Variants in FHIT observed in about 807,000 individuals in gnomAD.
FHIT encodes the protein bis(5'-adenosyl)-triphosphatase.
Under a neutral mutation model 17.9 loss-of-function variants are expected in FHIT, and 19 were observed. The ratio of observed to expected loss-of-function variants is 1.06; its 90% confidence interval spans 0.74 to 1.56. The LOEUF is 1.56. Ranked by LOEUF, FHIT falls within the 40% of genes most tolerant of loss-of-function variation. The pLI is 0.00. For missense variants in FHIT, 248 were observed against 189.2 expected, an observed-to-expected ratio of 1.31 and a Z score of -1.82; for synonymous variants, 81 against 69.7, an observed-to-expected ratio of 1.16 and a Z score of -0.81.
intron 8 of FHIT, among the ~76,000 whole-genome samples, chr3:59,912,874 C>A (rs980185239): frequency 2.0e-5 from 3 of 152,062 alleles, no homozygotes; most frequent in Non-Finnish European, 4.4e-5. Flanking sequence ...GCAATTTTCT[C>A]TTAAATATTT....
At chr3:59,762,016 G>A (rs572531695) in intron 8 of FHIT, among the ~76,000 whole-genome samples, 71 of 152,040 alleles carry the variant, frequency 4.7e-4, no homozygotes, top group Non-Finnish European at 7.5e-4. Flanking sequence ...CTACTCTTAT[G>A]CTTTGGGGCT....
chr3:61,243,058 C>T (rs1488928581), intron 1 of FHIT, among the ~76,000 whole-genome samples: 1 of 152,132 alleles, frequency 6.6e-6, no homozygotes, highest in Non-Finnish European at 1.5e-5. Context: ...TCCAAAGTTA[C>T]ACTATAAACT....
chr3:60,173,884 A>AATATATATATATATATATATATATAT (rs776742490), intron 5 of FHIT, among the ~76,000 whole-genome samples: 3 of 30,510 alleles, frequency 9.8e-5, no homozygotes, highest in African/African-American at 3.1e-4. Context: ...CCATGTTTCT[A>AATATATATATATATATATATATATAT]ATATATATAT....
At chr3:60,965,116 G>A (rs1165829982) in intron 3 of FHIT, among the ~76,000 whole-genome samples, 2 of 152,084 alleles carry the variant, frequency 1.3e-5, no homozygotes, top group African/African-American at 2.4e-5. Context: ...ATTTCCTGGA[G>A]GCTTTGTTCA....
intron 2 of FHIT, among the ~76,000 whole-genome samples, chr3:61,098,422 G>C (rs2035710990): frequency 6.6e-6 from 1 of 152,150 alleles, no homozygotes; most frequent in East Asian, 1.9e-4. Flanking sequence ...GGATTGCCTT[G>C]GCTCTTGGGC....
chr3:60,480,426 A>G (rs1344084264), intron 5 of FHIT, among the ~76,000 whole-genome samples: 1 of 152,194 alleles, frequency 6.6e-6, no homozygotes, highest in Non-Finnish European at 1.5e-5. Flanking sequence ...ACAGTTCCCC[A>G]AAGTCTTAAC....
intron 5 of FHIT, among the ~76,000 whole-genome samples, chr3:60,523,693 A>T (rs1193911709): frequency 6.6e-6 from 1 of 152,124 alleles, no homozygotes; most frequent in Non-Finnish European, 1.5e-5. Context: ...GAGTTATCAA[A>T]CCCTTCTGTT....
Position 60,438,109 on chromosome 3 carries a change from C to G in FHIT, c.103+98751G>C, listed in dbSNP as rs1435989500. ...GGATATGGCAACTGTGGCAACCGTA[C>G]AGTCAAAACAATAAGCCCCAGCATT... On this transcript the variant is annotated intron_variant, in intron 5 of 9. Transcript: ENST00000492590. Among the ~76,000 whole-genome samples the G allele has an allele frequency of 2.0e-5, 3 of 151,974 alleles. No homozygotes were observed. The East Asian group carries it at 5.8e-4, about 29-fold the overall frequency.
At chr3:60,058,191 G>A (rs1470848057) in intron 5 of FHIT, among the ~76,000 whole-genome samples, 1 of 137,816 alleles carries the variant, frequency 7.3e-6, no homozygotes, top group Non-Finnish European at 1.5e-5. Flanking sequence ...CCAGGCTGGA[G>A]TGCAGTGGCT....
chr3:59,851,957 A>G (rs1027613727), intron 8 of FHIT, among the ~76,000 whole-genome samples: 1 of 152,204 alleles, frequency 6.6e-6, no homozygotes, highest in South Asian at 2.1e-4. Context: ...TTACCCTTTC[A>G]TCTTGCTCTA....
intron 5 of FHIT, among the ~76,000 whole-genome samples, chr3:60,269,997 G>A (rs1230359534): frequency 6.6e-6 from 1 of 152,108 alleles, no homozygotes; most frequent in African/African-American, 2.4e-5. Flanking sequence ...AAATGACCAG[G>A]CCTCATACGA....
intron 4 of FHIT, among the ~76,000 whole-genome samples, chr3:60,607,932 C>T (rs2038660192): frequency 6.6e-6 from 1 of 152,088 alleles, no homozygotes; most frequent in Admixed American, 6.5e-5. Flanking sequence ...CACTTCTTAC[C>T]TAATACTCAA....
intron 3 of FHIT, among the ~76,000 whole-genome samples, chr3:61,014,191 G>T (rs1312886267): frequency 6.6e-6 from 1 of 152,054 alleles, no homozygotes; most frequent in African/African-American, 2.4e-5. Context: ...CAAATGGCCG[G>T]AAACACCATG....
At chr3:60,580,408 C>G (rs1163747368) in intron 4 of FHIT, among the ~76,000 whole-genome samples, 1 of 152,114 alleles carries the variant, frequency 6.6e-6, no homozygotes, top group Admixed American at 6.6e-5. Context: ...TTTAAAATCA[C>G]AATACCTAAA....
intron 4 of FHIT, among the ~76,000 whole-genome samples, chr3:60,630,292 C>T (rs1363592201): frequency 6.6e-6 from 1 of 152,172 alleles, no homozygotes; most frequent in Non-Finnish European, 1.5e-5. Context: ...GAAGTCGACA[C>T]CAAAAGAAGA....
chr3:60,391,439 T>C (rs1460939836), intron 5 of FHIT, among the ~76,000 whole-genome samples: 4 of 152,178 alleles, frequency 2.6e-5, no homozygotes, highest in Admixed American at 1.3e-4. Context: ...TTATAAAGTC[T>C]ACAGAGGCAT....
At chr3:60,746,900 C>T (rs1279254206) in intron 4 of FHIT, among the ~76,000 whole-genome samples, 1 of 152,082 alleles carries the variant, frequency 6.6e-6, no homozygotes, top group Non-Finnish European at 1.5e-5. Context: ...AATGGAGTTT[C>T]CTTGACTGTA....
chr3:61,086,685 A>G (rs1417420131), intron 2 of FHIT, among the ~76,000 whole-genome samples: 1 of 152,032 alleles, frequency 6.6e-6, no homozygotes, highest in Non-Finnish European at 1.5e-5. Context: ...AATACCTTCA[A>G]ACAAATATCT....
rs2033117477 is a variant in FHIT at position 60,472,120 on chromosome 3, C to T, written c.103+64740G>A. On this transcript the variant is annotated intron_variant, in intron 5 of 9. Transcript: ENST00000492590. ...ACCACTACACAATATATCCACGTAA[C>T]GTAACTGCACTAGTAGCTCTCAGTC... Among the ~76,000 whole-genome samples, 3 of 146,358 alleles carry T rather than the reference C, an allele frequency of 2.0e-5. No individual in the cohort carries two copies. The Middle Eastern group carries it at 0.011, about 530-fold the overall frequency.
Sources: allele counts gnomAD v4.1 joint callset (sites outside exome capture counted in the v4.1 genomes callset), GRCh38; gene constraint gnomAD v4.1.1; transcripts MANE v1.5; gene names NCBI Gene and HGNC (gene_info 2026-07-23, HGNC 2026-07-21).